SLC15A5: variants seen among roughly 807,000 people sequenced by gnomAD.
The protein encoded by SLC15A5 is Peptide/histidine transporter ENSP00000340402.
A neutral mutation model predicts 56.1 loss-of-function variants in SLC15A5; 58 were observed. That is an observed-to-expected ratio of 1.03 (90% CI 0.84 to 1.29). SLC15A5 has a LOEUF of 1.29. SLC15A5 is among the 50% of genes most tolerant of loss of function. The pLI is 0.00. For synonymous variants in SLC15A5, 264 were observed against 250.5 expected (o/e 1.05, Z -0.51); for missense variants, 681 against 672.1 (o/e 1.01, Z -0.15).
chr12:16,273,723 A>G (rs1021899659), intron 1 of SLC15A5, among the ~76,000 whole-genome samples: 1 of 132,366 alleles, frequency 7.6e-6, no homozygotes. Flanking sequence ...CCTACCATCA[A>G]GTAGTCAAAT....
chr12:16,223,824 TC>T (rs1323362267), intron 6 of SLC15A5, among the ~76,000 whole-genome samples: 1 of 112,202 alleles, frequency 8.9e-6, no homozygotes, highest in Non-Finnish European at 1.9e-5. Context: ...CAAGTGATTC[TC>T]CTGCCTCAGC....
At position 16,244,802 on chromosome 12, in the gene SLC15A5, T is replaced by C. The variant is rs879205290; in HGVS notation, c.755-2A>G. ...CAACGCCTGTCAGGAGAGAACAACC[T>C]GCAAGTAATCGGAGATATTATGTAT... On this transcript the variant is annotated splice_acceptor_variant, in intron 3 of 8. Transcript: ENST00000344941. LOFTEE classifies it high-confidence loss of function. The C allele has an allele frequency of 1.3e-6, 2 of 1,536,656 alleles. No individual in the cohort carries two copies. The highest frequency in any genetic ancestry group is 1.2e-5 in the South Asian group (1 of 84,004).
chr12:16,271,624 T>G lies in SLC15A5; in HGVS notation c.584+937A>C, dbSNP rs1526983. ...AAGAGAAAAGAGGAACTGCCTCGGA[T>G]AGCTACATATGCCTATACATACACA... On this transcript the variant is annotated intron_variant, in intron 2 of 8. Coordinates refer to ENST00000344941, the MANE Select transcript of SLC15A5 (RefSeq NM_001170798.1). This position sits in a 1 kb window ranked among gnomAD's most constrained non-coding sequence, Gnocchi z 8.0. Among the ~76,000 whole-genome samples, 150,021 of 152,162 alleles carry G rather than the reference T, an allele frequency of 0.99. 73,995 individuals carry two copies. Among genetic ancestry groups the G allele is most frequent in the East Asian group, 1 (5,158 of 5,158 alleles).
At chr12:16,223,606 A>G (rs1314258115) in intron 6 of SLC15A5, among the ~76,000 whole-genome samples, 5 of 152,178 alleles carry the variant, frequency 3.3e-5, no homozygotes, top group African/African-American at 1.2e-4. Context: ...ATCTAGTGTA[A>G]TTTAATTCAA....
rs150053885 is a variant in SLC15A5 at position 16,209,190 on chromosome 12, T to G, written c.1483+7703A>C. Among the ~76,000 whole-genome samples the G allele has an allele frequency of 4.7e-3, 707 of 151,232 alleles. 7 individuals are homozygous for G. Among genetic ancestry groups the G allele is most frequent in the African/African-American group, 0.016 (654 of 41,086 alleles). On this transcript the variant is annotated intron_variant, in intron 7 of 8. Coordinates refer to ENST00000344941, the MANE Select transcript of SLC15A5 (RefSeq NM_001170798.1). Reference sequence around the variant, plus strand: ...GATTTTATAGTAGCATTTGACACAATTTACCATTATCTGCTTGAAACCATC... The same window carrying G: ...GATTTTATAGTAGCATTTGACACAAGTTACCATTATCTGCTTGAAACCATC...
chr12:16,258,232 C>G (rs1864597456), intron 2 of SLC15A5, among the ~76,000 whole-genome samples: 1 of 152,152 alleles, frequency 6.6e-6, no homozygotes, highest in South Asian at 2.1e-4. Context: ...ATAGACAACA[C>G]TTAATCATTC....
rs144617798 is a variant in SLC15A5 at position 16,264,357 on chromosome 12, C to G, written c.585-6487G>C. Reference sequence around the variant, plus strand: ...GGCTAATTTCTCCCATTTGGAATGGCTGTATTTACCCAATACCTGTACCCC... The same window carrying G: ...GGCTAATTTCTCCCATTTGGAATGGGTGTATTTACCCAATACCTGTACCCC... On this transcript the variant is annotated intron_variant, in intron 2 of 8. Coordinates refer to ENST00000344941, the MANE Select transcript of SLC15A5 (RefSeq NM_001170798.1). Among the ~76,000 whole-genome samples the G allele has an allele frequency of 2.4e-3, 372 of 152,344 alleles. 1 individual carries two copies. The highest frequency in any genetic ancestry group is 8.7e-3 in the African/African-American group (360 of 41,576).
rs1864346522 is a variant in SLC15A5 at position 16,235,686 on chromosome 12, A to G, written c.1162+3995T>C. Among the ~76,000 whole-genome samples, 1 of 152,158 alleles carries G rather than the reference A, an allele frequency of 6.6e-6. No homozygotes were observed. The highest frequency in any genetic ancestry group is 1.5e-5 in the Non-Finnish European group (1 of 67,988). On this transcript the variant is annotated intron_variant, in intron 5 of 8. Transcript: ENST00000344941. This position sits in a 1 kb window ranked among gnomAD's most constrained non-coding sequence, Gnocchi z 4.1. ...GTTTACGCAGTTCCTCCTATCAAGT[A>G]TTTTACAATGGGTACATACCATGAT...
At chr12:16,241,317 A>G (rs1864413273) in intron 4 of SLC15A5, among the ~76,000 whole-genome samples, 1 of 152,186 alleles carries the variant, frequency 6.6e-6, no homozygotes, top group Admixed American at 6.5e-5. Context: ...ATAACTTCTC[A>G]TTTGAAACAT....
Position 16,244,669 on chromosome 12 carries a change from T to C in SLC15A5, c.886A>G (p.Ser296Gly). 1 of 1,537,506 alleles carries C rather than the reference T, an allele frequency of 6.5e-7. No homozygotes were observed. Among genetic ancestry groups the C allele is most frequent in the Non-Finnish European group, 8.7e-7 (1 of 1,146,976 alleles). ...GTTGTGTCTTCTACATGGAGCTCAC[T>C]GTAGCAGCCACCATTTTTTTCTTTG... ...HAKEKNGGCY[S>G]ELHVEDTTFF... The change falls in exon 4 of 9, where the codon AGT becomes GGT. Residue 296 changes from serine to glycine, a missense_variant. Ser to Gly is a moderately conservative substitution (Grantham distance 56, BLOSUM62 0). Transcript: ENST00000344941.
chr12:16,275,405 A>C (rs1864805716), intron 1 of SLC15A5, among the ~76,000 whole-genome samples: 1 of 152,014 alleles, frequency 6.6e-6, no homozygotes, highest in South Asian at 2.1e-4. Context: ...TAAATTAATA[A>C]GTTTGGATTT....
intron 2 of SLC15A5, among the ~76,000 whole-genome samples, chr12:16,259,321 C>A (rs1864615878): frequency 6.6e-6 from 1 of 151,168 alleles, no homozygotes; most frequent in Admixed American, 6.6e-5. Context: ...TTCATTCTTT[C>A]CTTCCCTCCT....
chr12:16,266,019 AAAACCTCT>A (rs1864691871), intron 2 of SLC15A5, among the ~76,000 whole-genome samples: 2 of 152,240 alleles, frequency 1.3e-5, no homozygotes, highest in African/African-American at 4.8e-5. Context: ...TAAAAAAACT[AAAACCTCT>A]CAATAATTGG....
At chr12:16,231,540 G>C (rs924246922) in intron 5 of SLC15A5, among the ~76,000 whole-genome samples, 20 of 152,288 alleles carry the variant, frequency 1.3e-4, no homozygotes, top group African/African-American at 4.8e-4. Flanking sequence ...GAAGGCACCA[G>C]GTATTTCAGA....
At chr12:16,256,288 A>G (rs191290076) in intron 3 of SLC15A5, among the ~76,000 whole-genome samples, 1 of 152,356 alleles carries the variant, frequency 6.6e-6, no homozygotes, top group African/African-American at 2.4e-5. Flanking sequence ...GAAGAAATAT[A>G]GAATATGATC....
chr12:16,219,323 A>C lies in SLC15A5; in HGVS notation c.1352-2299T>G, dbSNP rs927190424. Among the ~76,000 whole-genome samples, 9 of 152,284 alleles carry C rather than the reference A, an allele frequency of 5.9e-5. No individual in the cohort carries two copies. The East Asian group carries it at 1.2e-3, about 20-fold the overall frequency. ...GCAGGAACCTTGGAGTATTTTCAGAAAGGTCCAAATGGGAATATGAGAGGA... is the reference window on the plus strand; with the variant it reads ...GCAGGAACCTTGGAGTATTTTCAGACAGGTCCAAATGGGAATATGAGAGGA... On this transcript the variant is annotated intron_variant, in intron 6 of 8. Coordinates refer to ENST00000344941, the MANE Select transcript of SLC15A5 (RefSeq NM_001170798.1).
rs756184972 is a variant in SLC15A5 at position 16,277,372 on chromosome 12, A to G, written c.314T>C (p.Leu105Ser). ...AATGTACACCAGTTTGTTTCTTCCT[A>G]AATAGACATCAGTGAGCCATCTGAC... is the stretch of plus-strand genomic sequence containing the variant. ...VFVRWLTDVY[L>S]GRNKLVYICL... Residue 105 changes from leucine to serine, a missense_variant, in exon 1 of 9, where the codon TTA becomes TCA. Physicochemically the swap from Leu to Ser is moderately radical, Grantham distance 145. Transcript: ENST00000344941. 90 of 1,535,896 alleles carry G rather than the reference A, an allele frequency of 5.9e-5. No individual in the cohort carries two copies. Among genetic ancestry groups the G allele is most frequent in the Non-Finnish European group, 7.6e-5 (87 of 1,146,130 alleles).
intron 1 of SLC15A5, among the ~76,000 whole-genome samples, chr12:16,276,756 T>C (rs1006571254): frequency 2.6e-5 from 4 of 152,020 alleles, no homozygotes; most frequent in African/African-American, 7.2e-5. Flanking sequence ...TTTGCAGATA[T>C]ATATTAGTAT....
chr12:16,224,681 C>T, intron 5 of SLC15A5, 79 bp from the exon 6 acceptor site: 1 of 1,308,778 alleles, frequency 7.6e-7, no homozygotes, highest in African/African-American at 1.5e-5. Flanking sequence ...ACATTTCTTA[C>T]CCATTGACAT....
Sources: gnomAD v4.1 joint callset for allele counts (sites outside exome capture counted in the v4.1 genomes callset) on GRCh38, gnomAD v4.1.1 for gene constraint, Gnocchi (gnomAD v3.1) non-coding constraint, MANE v1.5 for transcripts, NCBI Gene and HGNC (gene_info 2026-07-23, HGNC 2026-07-21) for gene names.